Variants in CLMN observed in about 807,000 individuals in gnomAD.
CLMN encodes the protein calmin (calponin-like, transmembrane).
CLMN carries 57 observed loss-of-function variants against 92.7 expected under a neutral mutation model. The ratio of observed to expected loss-of-function variants is 0.61; its 90% CI spans 0.50 to 0.77. The LOEUF is 0.77. Among genes scored for constraint, CLMN ranks in the 30% least tolerant of loss-of-function variants. The pLI, the probability that CLMN is intolerant of heterozygous loss-of-function variation, is 0.00. For synonymous variants in CLMN, 466 were observed against 470.6 expected (o/e 0.99, Z 0.13); for missense variants, 1,158 against 1,237.5 (o/e 0.94, Z 0.96).
Position 95,193,933 on chromosome 14 carries a change from T to G in CLMN, c.2770-14A>C. 1 of 1,612,148 alleles carries G rather than the reference T, an allele frequency of 6.2e-7. No homozygotes were observed. On this transcript the variant is annotated splice_polypyrimidine_tract_variant and intron_variant, in intron 11 of 12. Transcript: ENST00000298912. ...GCTAAAATGATCCTACAGTGAAATT[T>G]ATAAACAAAAGCCCCCGCAACCCAA... is the stretch of plus-strand genomic sequence containing the variant.
chr14:95,218,517 C>A (rs1374125277), intron 4 of CLMN, among the ~76,000 whole-genome samples: 1 of 152,232 alleles, frequency 6.6e-6, no homozygotes, highest in Non-Finnish European at 1.5e-5. Flanking sequence ...CATCCACCAC[C>A]CAGTTCTGGG....
At chr14:95,242,076 C>T (rs998006702) in intron 1 of CLMN, among the ~76,000 whole-genome samples, 7 of 151,568 alleles carry the variant, frequency 4.6e-5, no homozygotes, top group Non-Finnish European at 1.0e-4. Context: ...GCCAGTTCTG[C>T]AATCTTAAAA....
At chr14:95,193,105 C>A in intron 12 of CLMN, 1 of 504,116 alleles carries the variant, frequency 2.0e-6, no homozygotes, top group Non-Finnish European at 3.5e-6. Flanking sequence ...TAATCTAAAT[C>A]CTTCCAAGCC....
In CLMN at chr14:95,255,524, T is replaced by C. The variant is rs1898963306; in HGVS notation, c.83-25391A>G. Among the ~76,000 whole-genome samples the C allele has an allele frequency of 5.3e-5, 8 of 152,342 alleles. No homozygotes were observed. In the South Asian group the frequency reaches 1.7e-3, roughly 32 times the overall value. On this transcript the variant is annotated intron_variant, in intron 1 of 12. Transcript: ENST00000298912. ...GGAAAAAGCATAGTACATATAGGGTTCGGCACTATCTGCAGTTTCAAGCAT... is the reference window on the plus strand; with the variant it reads ...GGAAAAAGCATAGTACATATAGGGTCCGGCACTATCTGCAGTTTCAAGCAT...
intron 1 of CLMN, among the ~76,000 whole-genome samples, chr14:95,287,818 C>A (rs1900400052): frequency 6.6e-6 from 1 of 152,216 alleles, no homozygotes; most frequent in Non-Finnish European, 1.5e-5. Flanking sequence ...CTCCATACAG[C>A]CCTGTTTCTG....
At chr14:95,304,432 G>T (rs746776236) in intron 1 of CLMN, among the ~76,000 whole-genome samples, 27 of 152,214 alleles carry the variant, frequency 1.8e-4, no homozygotes, top group Non-Finnish European at 2.8e-4. Flanking sequence ...GTCCCAAAGG[G>T]TCGGGAATTA....
In CLMN at chr14:95,191,649, G is replaced by T. The variant is rs147953886; in HGVS notation, c.2924C>A (p.Pro975Gln). 2 of 1,613,616 alleles carry T rather than the reference G, an allele frequency of 1.2e-6. No homozygotes were observed. Among genetic ancestry groups the T allele is most frequent in the Non-Finnish European group, 1.7e-6 (2 of 1,179,990 alleles). The change falls in exon 13 of 13, where the codon CCG becomes CAG. Residue 975 changes from proline (P) to glutamine (Q), a missense_variant. Physicochemically the swap from Pro to Gln is moderately conservative, Grantham distance 76. Coordinates refer to ENST00000298912, the MANE Select transcript of CLMN (RefSeq NM_024734.4). This position sits in a 1 kb window ranked among gnomAD's most constrained non-coding sequence, Gnocchi z 5.3. ...SDSLTQLVQQ[P>Q]DMMYFILFLW... ...GAAGAGAATAAAATACATCATATCCGGCTGCTGGACAAGCTGTGTCAGGGA... is the reference window on the plus strand; with the variant it reads ...GAAGAGAATAAAATACATCATATCCTGCTGCTGGACAAGCTGTGTCAGGGA...
At chr14:95,238,224 C>T (rs2140649137) in intron 1 of CLMN, among the ~76,000 whole-genome samples, 1 of 152,368 alleles carries the variant, frequency 6.6e-6, no homozygotes, top group Non-Finnish European at 1.5e-5. Flanking sequence ...CCCCATCTTT[C>T]AACACCTCCC....
intron 4 of CLMN, among the ~76,000 whole-genome samples, chr14:95,218,027 G>C (rs76502709): frequency 0.079 from 12,029 of 152,282 alleles, 562 homozygotes; most frequent in African/African-American, 0.11. Context: ...TGAACAAAAA[G>C]GTTAACAGCC....
intron 1 of CLMN, among the ~76,000 whole-genome samples, chr14:95,247,666 G>A (rs567327064): frequency 3.1e-4 from 47 of 152,246 alleles, no homozygotes; most frequent in African/African-American, 9.6e-4. Context: ...ACTGATCCAC[G>A]TGGTAAGAGC....
At chr14:95,213,545 C>T (rs927140187) in intron 5 of CLMN, 136 bp from the exon 6 acceptor site, 2 of 753,938 alleles carry the variant, frequency 2.7e-6, no homozygotes, top group Non-Finnish European at 4.2e-6. Flanking sequence ...TGCAGAGAAA[C>T]CCTTTCTGAT....
intron 1 of CLMN, among the ~76,000 whole-genome samples, chr14:95,264,939 CAAA>C (rs34109382): frequency 7.8e-6 from 1 of 127,444 alleles, no homozygotes; most frequent in African/African-American, 2.9e-5. Context: ...CCATCTCTAC[CAAA>C]AAAAAAAAAA....
intron 2 of CLMN, among the ~76,000 whole-genome samples, chr14:95,226,879 G>A (rs999975229): frequency 3.9e-5 from 6 of 152,252 alleles, no homozygotes; most frequent in Non-Finnish European, 7.4e-5. Flanking sequence ...ATGACCGGCC[G>A]AAACCCGATT....
At chr14:95,279,176 T>C (rs1053683314) in intron 1 of CLMN, among the ~76,000 whole-genome samples, 1 of 152,256 alleles carries the variant, frequency 6.6e-6, no homozygotes, top group Non-Finnish European at 1.5e-5. Context: ...TTTAATACCT[T>C]TTAGTTCGTG....
At chr14:95,297,878 A>AC (rs1183569449) in intron 1 of CLMN, among the ~76,000 whole-genome samples, 1 of 151,862 alleles carries the variant, frequency 6.6e-6, no homozygotes, top group African/African-American at 2.4e-5. Flanking sequence ...ATGCTCACCC[A>AC]CGCATATAGT....
chr14:95,235,259 T>C (rs1232289804), intron 1 of CLMN, among the ~76,000 whole-genome samples: 2 of 152,178 alleles, frequency 1.3e-5, no homozygotes, highest in Non-Finnish European at 1.5e-5. Context: ...ACAATTAAGA[T>C]GCCAATTCCT....
At chr14:95,299,619 T>C (rs1350775470) in intron 1 of CLMN, among the ~76,000 whole-genome samples, 1 of 152,152 alleles carries the variant, frequency 6.6e-6, no homozygotes, top group Non-Finnish European at 1.5e-5. Flanking sequence ...AAACAGGGCT[T>C]CTGAGGTTGG....
Position 95,210,719 on chromosome 14 carries a change from C to A in CLMN, c.769G>T (p.Ala257Ser), listed in dbSNP as rs189680603. The stretch of plus-strand genomic sequence containing the variant: ...TCCAGGAGCCTGGGGATGTGCAGGG[C>A]ATCCTGTGCGATGCTGAAAGCCTTC... ...LEKAFSIAQD[A>S]LHIPRLLEPE... Residue 257 changes from alanine to serine, a missense_variant, in exon 7 of 13, where the codon GCC becomes TCC. Coordinates refer to ENST00000298912, the MANE Select transcript of CLMN (RefSeq NM_024734.4). 10 of 1,609,284 alleles carry A rather than the reference C, an allele frequency of 6.2e-6. No individual in the cohort carries two copies. The East Asian group carries it at 1.8e-4, about 29-fold the overall frequency.
Position 95,184,645 on chromosome 14 carries a change from A to G in CLMN, c.*6919T>C, listed in dbSNP as rs898362728. 1.3e-5 allele frequency: 2 copies of G among 152,264 alleles called. No homozygotes were observed. Among genetic ancestry groups the G allele is most frequent in the Non-Finnish European group, 2.9e-5 (2 of 68,052 alleles). The allele number at this position is 152,264 out of a possible 1,614,324, so 9.4% of individuals were successfully genotyped here. ...CAGCATTGTGGGGTCTGGCAACTGC[A>G]GAACACTCAGCTCAGAAACTCTGAT... On this transcript the variant is annotated 3_prime_UTR_variant, in exon 13 of 13. Coordinates refer to ENST00000298912, the MANE Select transcript of CLMN (RefSeq NM_024734.4).
Sources: allele counts gnomAD v4.1 joint callset (sites outside exome capture counted in the v4.1 genomes callset), GRCh38; gene constraint gnomAD v4.1.1; non-coding constraint Gnocchi (gnomAD v3.1); transcripts MANE v1.5; gene names NCBI Gene and HGNC (gene_info 2026-07-23, HGNC 2026-07-21).